NOC2L: variants seen among roughly 807,000 people sequenced by gnomAD.
The protein encoded by NOC2L is NOC2 like nucleolar associated transcriptional repressor.
NOC2L carries 101 observed loss-of-function variants against 94.2 expected under a neutral mutation model. That is an observed-to-expected ratio of 1.07 (90% CI 0.91 to 1.26). NOC2L has a LOEUF of 1.26. NOC2L is among the 50% of genes most tolerant of loss of function. The probability of loss-of-function intolerance (pLI) is 0.00; values close to 1 mark genes in which losing one functional copy is unlikely to be tolerated. For synonymous variants in NOC2L, 531 were observed against 413.4 expected, an observed-to-expected ratio of 1.28 and a Z score of -3.45; for missense variants, 1,076 against 980.1, an observed-to-expected ratio of 1.10 and a Z score of -1.31.
chr1:946,418 G>A lies in NOC2L; in HGVS notation c.1787C>T (p.Ser596Phe). The A allele has an allele frequency of 1.9e-6, 3 of 1,613,576 alleles. No homozygotes were observed. Among genetic ancestry groups the A allele is most frequent in the Non-Finnish European group, 2.5e-6 (3 of 1,180,028 alleles). ...SRRQRVSFGV[S>F]EQQAVEAWEK... ...CCCACTAACCACTGCCTGCTGCTCA[G>A]AGACGCCGAAGGAAACCCTCTGGCG... The change falls in exon 15 of 19, where the codon TCT becomes TTT. Residue 596 changes from serine to phenylalanine, a missense_variant. By Grantham distance (155) the Ser-to-Phe change is radical. Transcript: ENST00000327044.
intron 16 of NOC2L, 38 bp from the exon 17 acceptor site, chr1:945,691 G>A (rs936206933): frequency 6.2e-6 from 10 of 1,613,682 alleles, no homozygotes; most frequent in South Asian, 2.2e-5. Flanking sequence ...GGTGAGAGAG[G>A]GCAGGGGCTG....
chr1:950,245 A>C lies in NOC2L; in HGVS notation c.1443+882T>G, dbSNP rs186141167. ...GCACAGTACACACATGCAGATGCAA[A>C]TGCATGCACACAAGTGCACACAGAC... On this transcript the variant is annotated intron_variant, in intron 12 of 18. Transcript: ENST00000327044. 1.6e-3 allele frequency among the ~76,000 whole-genome samples: 248 copies of C among 151,188 alleles called. 1 individual carries two copies. Among genetic ancestry groups the C allele is most frequent in the African/African-American group, 5.9e-3 (243 of 41,074 alleles).
chr1:957,369 C>T, intron 2 of NOC2L, 96 bp from the exon 3 acceptor site: 1 of 1,184,164 alleles, frequency 8.4e-7, no homozygotes. Context: ...ACAAGGGTTA[C>T]CAACTAGCAA....
chr1:956,809 C>G (rs1193793079), intron 4 of NOC2L, 85 bp downstream of exon 4: 1 of 1,576,470 alleles, frequency 6.3e-7, no homozygotes. Flanking sequence ...CCCAGCTGCC[C>G]GCCCCTCGCT....
chr1:952,589 G>A lies in NOC2L; in HGVS notation c.1014C>T (p.Ile338=). 1 of 1,613,760 alleles carries A rather than the reference G, an allele frequency of 6.2e-7. No individual in the cohort carries two copies. Residue 338 remains isoleucine, a synonymous_variant, in exon 10 of 19, where the codon ATC becomes ATT. Coordinates refer to ENST00000327044, the MANE Select transcript of NOC2L (RefSeq NM_015658.4). ...FLGPVLKQMY[I]TYVRNCKFTS... ...TGAACTTGCAGTTCCTCACATACGT[G>A]ATGTACATTTGCTGCGGAGAGACCC... is the stretch of plus-strand genomic sequence containing the variant.
At position 956,158 on chromosome 1, in the gene NOC2L, C is replaced by A. The variant is rs146963528; in HGVS notation, c.544G>T (p.Ala182Ser). The A allele has an allele frequency of 7.4e-6, 12 of 1,613,958 alleles. No homozygotes were observed. The highest frequency in any genetic ancestry group is 1.0e-5 in the Non-Finnish European group (12 of 1,180,014). ...EVVQAFRAAV[A>S]TTRGDQESAE... ...CTTTCCTGGTCCCCTCGGGTGGTGGCCACAGCTGCTCGGAACGCCTGTACC... is the reference window on the plus strand; with the variant it reads ...CTTTCCTGGTCCCCTCGGGTGGTGGACACAGCTGCTCGGAACGCCTGTACC... The change falls in exon 5 of 19, where the codon GCC becomes TCC. Residue 182 changes from alanine to serine, a missense_variant. By Grantham distance (99) the Ala-to-Ser change is moderately conservative (BLOSUM62 1). Coordinates refer to ENST00000327044, the MANE Select transcript of NOC2L (RefSeq NM_015658.4).
chr1:953,922 A>G (rs1557621190), intron 7 of NOC2L, 30 bp from the exon 8 acceptor site: 1 of 1,609,258 alleles, frequency 6.2e-7, no homozygotes, highest in Non-Finnish European at 8.5e-7. Flanking sequence ...GTGAAGCCCC[A>G]AACCCATGTA....
At chr1:956,485 G>A (rs554128610) in intron 4 of NOC2L, among the ~76,000 whole-genome samples, 1 of 152,254 alleles carries the variant, frequency 6.6e-6, no homozygotes, top group Admixed American at 6.5e-5. Context: ...GGTATCTGGA[G>A]CTCTCCGTAT....
rs768735048 is a variant in NOC2L, at chr1:946,154, T to G, written c.1917+19A>C. 1.3e-6 allele frequency: 2 copies of G among 1,559,448 alleles called. No individual in the cohort carries two copies. Among genetic ancestry groups the G allele is most frequent in the Non-Finnish European group, 1.8e-6 (2 of 1,138,822 alleles). Reference sequence around the variant, plus strand: ...CAGGAAGTCACAACACACCCCCAGGTCCCCTCGCCGAGCCGCACCCGCTCT... The same window carrying G: ...CAGGAAGTCACAACACACCCCCAGGGCCCCTCGCCGAGCCGCACCCGCTCT... On this transcript the variant is annotated intron_variant, in intron 16 of 18. Transcript: ENST00000327044.
intron 2 of NOC2L, 127 bp downstream of exon 2, chr1:958,802 G>A (rs1263116234): frequency 8.6e-6 from 8 of 933,314 alleles, no homozygotes; most frequent in South Asian, 2.7e-5. Context: ...AAGTTAAGCT[G>A]AAAGGACTGG....
chr1:958,862 G>T, intron 2 of NOC2L, 67 bp downstream of exon 2: 1 of 1,579,352 alleles, frequency 6.3e-7, no homozygotes, highest in Non-Finnish European at 8.7e-7. Context: ...CCCCAGGCGA[G>T]GTCAGCAACC....
chr1:944,878 T>G, intron 18 of NOC2L, 78 bp from the exon 19 acceptor site: 1 of 1,306,496 alleles, frequency 7.7e-7, no homozygotes, highest in Non-Finnish European at 1.1e-6. Context: ...CATCACTAAT[T>G]AATCACGGCA....
intron 12 of NOC2L, among the ~76,000 whole-genome samples, chr1:948,953 A>G (rs780725300): frequency 2.0e-5 from 3 of 152,040 alleles, no homozygotes; most frequent in Non-Finnish European, 4.4e-5. Context: ...GACAGCCCCC[A>G]TTCCTGACAA....
intron 12 of NOC2L, among the ~76,000 whole-genome samples, chr1:950,632 C>T (rs1023302125): frequency 6.6e-6 from 1 of 151,418 alleles, no homozygotes; most frequent in Non-Finnish European, 1.5e-5. Context: ...TGCATACACA[C>T]ATACAGATGC....
Position 945,164 on chromosome 1 carries a change from GA to G in NOC2L, c.2054-19del. The G allele has an allele frequency of 6.3e-7, 1 of 1,578,464 alleles. No individual in the cohort carries two copies. Among genetic ancestry groups the G allele is most frequent in the Non-Finnish European group, 8.6e-7 (1 of 1,161,676 alleles). On this transcript the variant is annotated intron_variant, in intron 17 of 18. Transcript: ENST00000327044. Reference sequence around the variant, plus strand: ...CAGTATCCCTGAGGAACAAGAAGCAGAGTCCATATGACTCCCACCCACAGGG... The same window carrying G: ...CAGTATCCCTGAGGAACAAGAAGCAGGTCCATATGACTCCCACCCACAGGG...
At chr1:957,065 AG>A in intron 3 of NOC2L, 33 bp downstream of exon 3, 3 of 1,613,968 alleles carry the variant, frequency 1.9e-6, no homozygotes, top group Non-Finnish European at 2.5e-6. Context: ...TGTAGAGACA[AG>A]TGCCCCCCTT....
intron 6 of NOC2L, among the ~76,000 whole-genome samples, chr1:954,830 A>T (rs1257486759): frequency 6.6e-6 from 1 of 152,086 alleles, no homozygotes; most frequent in Non-Finnish European, 1.5e-5. Flanking sequence ...TCGTAAGGAA[A>T]AAAAAAAACC....
At position 945,636 on chromosome 1, in the gene NOC2L, G is replaced by A; in HGVS notation, c.1935C>T (p.Phe645=). The change falls in exon 17 of 19, where the codon TTC becomes TTT. Residue 645 remains phenylalanine, a synonymous_variant. Transcript: ENST00000327044. ...SGKERLEDLN[F]PEIKRRKMAD... is the part of the protein sequence containing the mutation. Reference sequence around the variant, plus strand: ...CCATCTTCCTTCGTTTGATCTCAGGGAAGTTCAGGTCTTCCAGCTGGAAGG... The same window carrying A: ...CCATCTTCCTTCGTTTGATCTCAGGAAAGTTCAGGTCTTCCAGCTGGAAGG... The A allele has an allele frequency of 6.2e-7, 1 of 1,614,156 alleles. No homozygotes were observed. The highest frequency in any genetic ancestry group is 8.5e-7 in the Non-Finnish European group (1 of 1,180,010).
At chr1:945,320 T>TA (rs1485776569) in intron 17 of NOC2L, 174 bp from the exon 18 acceptor site, 1 of 971,228 alleles carries the variant, frequency 1.0e-6, no homozygotes, top group African/African-American at 1.6e-5. Context: ...GGGACAGAGT[T>TA]ACCAATCCCA....
Sources: gnomAD v4.1 joint callset for allele counts (sites outside exome capture counted in the v4.1 genomes callset) on GRCh38, gnomAD v4.1.1 for gene constraint, MANE v1.5 for transcripts, NCBI Gene and HGNC (gene_info 2026-07-23, HGNC 2026-07-21) for gene names.